The following HBS1L variants were observed in gnomAD, a reference collection of about 807,000 sequenced individuals.
HBS1L encodes HBS1 like translational GTPase.
A neutral mutation model predicts 88.9 loss-of-function variants in HBS1L; 55 were observed. The ratio of observed to expected loss-of-function variants is 0.62; its 90% confidence interval spans 0.50 to 0.77. The LOEUF (loss-of-function observed/expected upper bound fraction) is 0.77. HBS1L is among the 30% of genes least tolerant of loss of function. The probability of loss-of-function intolerance (pLI) is 0.00; values close to 1 mark genes in which losing one functional copy is unlikely to be tolerated. For synonymous variants in HBS1L, 267 were observed against 288.5 expected (o/e 0.93, Z 0.76); for missense variants, 741 against 829.3 (o/e 0.89, Z 1.31).
intron 3 of HBS1L, 47 bp from the exon 4 acceptor site, chr6:135,039,814 A>G (rs755532629): frequency 1.9e-5 from 28 of 1,477,892 alleles, no homozygotes; most frequent in African/African-American, 2.8e-5. Context: ...TGGTGCAATG[A>G]AAGAACTTTT....
At chr6:135,042,976 A>G (rs1776792551) in intron 2 of HBS1L, among the ~76,000 whole-genome samples, 1 of 152,234 alleles carries the variant, frequency 6.6e-6, no homozygotes, top group African/African-American at 2.4e-5. Context: ...CTAGTGTCAT[A>G]TACCTAACTT....
intron 5 of HBS1L, among the ~76,000 whole-genome samples, chr6:135,001,110 T>A (rs925649847): frequency 1.3e-5 from 2 of 152,218 alleles, no homozygotes; most frequent in African/African-American, 4.8e-5. Flanking sequence ...TTTACCTTTA[T>A]GTTATTTGCA....
intron 4 of HBS1L, among the ~76,000 whole-genome samples, chr6:135,004,869 G>T (rs1775568169): frequency 6.6e-6 from 1 of 152,132 alleles, no homozygotes; most frequent in Admixed American, 6.6e-5. Flanking sequence ...ATAGATACAG[G>T]CGAGACCACC....
intron 4 of HBS1L, among the ~76,000 whole-genome samples, chr6:135,033,817 T>C (rs1776455250): frequency 1.3e-5 from 2 of 152,354 alleles, no homozygotes; most frequent in Admixed American, 1.3e-4. Context: ...TCATGTGCAA[T>C]GTGGACCACT....
chr6:134,997,575 A>G lies in HBS1L; in HGVS notation c.621T>C (p.Asp207=), dbSNP rs554729292. 1.5e-5 allele frequency: 25 copies of G among 1,613,964 alleles called. No individual in the cohort carries two copies. Among genetic ancestry groups the G allele is most frequent in the Admixed American group, 3.3e-5 (2 of 59,984 alleles). ...CAGATTTAGAAGCAGTCTCAAGAAC[A>G]TCGGAAGAAGCAATGGCATCTTCAA... ...PPIEDAIASS[D]VLETASKSAN... is the part of the protein sequence containing the mutation. Residue 207 remains aspartate, a synonymous_variant, in exon 6 of 18, where the codon GAT becomes GAC. Transcript: ENST00000367837.
At chr6:134,995,723 T>C (rs1775270428) in intron 7 of HBS1L, among the ~76,000 whole-genome samples, 1 of 151,966 alleles carries the variant, frequency 6.6e-6, no homozygotes, top group Non-Finnish European at 1.5e-5. Context: ...GCTTCTACTA[T>C]TGCATCATAT....
chr6:134,991,451 G>A (rs755491185), intron 8 of HBS1L, among the ~76,000 whole-genome samples: 12 of 152,222 alleles, frequency 7.9e-5, no homozygotes, highest in Admixed American at 2.6e-4. Context: ...GACTGAATCC[G>A]TAAATGCAAA....
rs1018395170 is a variant in HBS1L at position 134,968,392 on chromosome 6, G to C, written c.1898+846C>G. The stretch of plus-strand genomic sequence containing the variant: ...GCCTCCTGAGTAGCTGGGATTACAG[G>C]TGTGAGCCACCACACCCGGCTAATT... On this transcript the variant is annotated intron_variant, in intron 16 of 17. Coordinates refer to ENST00000367837, the MANE Select transcript of HBS1L (RefSeq NM_006620.4). Among the ~76,000 whole-genome samples, 22 of 152,152 alleles carry C rather than the reference G, an allele frequency of 1.4e-4. 1 individual carries two copies. The highest frequency in any genetic ancestry group is 1.0e-4 in the Non-Finnish European group (7 of 68,004).
In HBS1L at chr6:134,979,173, C is replaced by T; in HGVS notation, c.1688+5G>A. 11 of 1,604,922 alleles carry T rather than the reference C, an allele frequency of 6.9e-6. No homozygotes were observed. Among genetic ancestry groups the T allele is most frequent in the Non-Finnish European group, 9.4e-6 (11 of 1,172,242 alleles). The stretch of plus-strand genomic sequence containing the variant: ...ACGGTTGCTTAAACTCATTTTCTCA[C>T]TCACTTGATTTTGATGATATCCATC... On this transcript the variant is annotated splice_donor_5th_base_variant and intron_variant, in intron 14 of 17. Coordinates refer to ENST00000367837, the MANE Select transcript of HBS1L (RefSeq NM_006620.4).
chr6:135,045,031 G>C (rs1423287203), intron 2 of HBS1L, among the ~76,000 whole-genome samples: 1 of 151,868 alleles, frequency 6.6e-6, no homozygotes, highest in Non-Finnish European at 1.5e-5. Flanking sequence ...CACTATTTTG[G>C]AAGTAGTAAT....
intron 4 of HBS1L, chr6:135,038,097 A>G (rs1178935838): frequency 2.5e-6 from 3 of 1,216,236 alleles, no homozygotes; most frequent in Non-Finnish European, 3.3e-6. Flanking sequence ...ACAGCAACCA[A>G]AAGGAAACAT....
At chr6:134,979,485 G>T in intron 13 of HBS1L, 1 of 451,980 alleles carries the variant, frequency 2.2e-6, no homozygotes, top group Non-Finnish European at 4.0e-6. Context: ...AAAGTGACTT[G>T]TATTTGCCCA....
At chr6:135,016,417 ACTTCCAATGGGGAAC>A (rs1177027517) in intron 4 of HBS1L, among the ~76,000 whole-genome samples, 1 of 152,194 alleles carries the variant, frequency 6.6e-6, no homozygotes, top group Non-Finnish European at 1.5e-5. Flanking sequence ...TACAATTTTT[ACTTCCAATGGGGAAC>A]CTGAAGGCTA....
rs75081544 is a variant in HBS1L at position 134,970,813 on chromosome 6, C to T, written c.1798-1475G>A. 7.5e-3 allele frequency among the ~76,000 whole-genome samples: 1,139 copies of T among 152,202 alleles called. 9 individuals are homozygous for T. The highest frequency in any genetic ancestry group is 0.026 in the African/African-American group (1,094 of 41,530). On this transcript the variant is annotated intron_variant, in intron 15 of 17. Coordinates refer to ENST00000367837, the MANE Select transcript of HBS1L (RefSeq NM_006620.4). ...GGATACACCCTAATCCAAACCAGAA[C>T]AAAGTTAGACTGACTATCCTCGCTC... is the stretch of plus-strand genomic sequence containing the variant.
At chr6:134,985,550 T>C (rs985589093) in intron 11 of HBS1L, 141 bp from the exon 12 acceptor site, 2 of 549,278 alleles carry the variant, frequency 3.6e-6, no homozygotes, top group Non-Finnish European at 6.4e-6. Context: ...CTGTCACTAA[T>C]ATACACATTG....
intron 2 of HBS1L, among the ~76,000 whole-genome samples, chr6:135,046,180 T>C (rs1776906030): frequency 6.6e-6 from 1 of 152,176 alleles, no homozygotes; most frequent in Non-Finnish European, 1.5e-5. Context: ...GATGCCATTC[T>C]TACTCCCAAA....
chr6:135,005,785 A>G (rs1775594340), intron 4 of HBS1L, among the ~76,000 whole-genome samples: 1 of 152,210 alleles, frequency 6.6e-6, no homozygotes, highest in African/African-American at 2.4e-5. Flanking sequence ...CTTTTATTGC[A>G]ATAGAAGGCA....
chr6:134,986,628 A>G (rs984337868), intron 10 of HBS1L, 108 bp downstream of exon 10: 2 of 482,800 alleles, frequency 4.1e-6, no homozygotes, highest in African/African-American at 4.1e-5. Context: ...AAATAAAGCA[A>G]AGAGAATTAA....
intron 2 of HBS1L, among the ~76,000 whole-genome samples, chr6:135,049,456 T>C (rs532927899): frequency 1.1e-3 from 171 of 152,288 alleles, no homozygotes; most frequent in Non-Finnish European, 2.1e-3. Flanking sequence ...CTGAAAGAAA[T>C]GTTAATTATA....
Sources: allele counts gnomAD v4.1 joint callset (sites outside exome capture counted in the v4.1 genomes callset), GRCh38; gene constraint gnomAD v4.1.1; transcripts MANE v1.5; gene names NCBI Gene and HGNC (gene_info 2026-07-23, HGNC 2026-07-21).